Variants in PCDHGA2 observed in about 807,000 individuals in gnomAD.
PCDHGA2 encodes the protein protocadherin gamma subfamily A, 2.
PCDHGA2 carries 40 observed loss-of-function variants against 59.2 expected under a neutral mutation model. The ratio of observed to expected loss-of-function variants is 0.68; its 90% CI spans 0.52 to 0.88. The LOEUF is 0.88. Ranked by LOEUF, PCDHGA2 falls within the 40% of genes least tolerant of loss-of-function variation. The probability of loss-of-function intolerance (pLI) is 0.00; values close to 1 mark genes in which losing one functional copy is unlikely to be tolerated. For synonymous variants in PCDHGA2, 560 were observed against 526.0 expected, an observed-to-expected ratio of 1.06 and a Z score of -0.89; for missense variants, 1,226 against 1,204.0, an observed-to-expected ratio of 1.02 and a Z score of -0.27.
intron 1 of PCDHGA2, among the ~76,000 whole-genome samples, chr5:141,447,143 T>G (rs1484774611): frequency 2.6e-5 from 4 of 152,132 alleles, no homozygotes; most frequent in Admixed American, 6.6e-5. Flanking sequence ...TTGTTTTTTG[T>G]TTTTGTTTTT....
intron 1 of PCDHGA2, chr5:141,414,158 G>C: frequency 6.2e-7 from 1 of 1,602,572 alleles, no homozygotes; most frequent in Non-Finnish European, 8.5e-7. Context: ...GCAGAAGATG[G>C]AGGAGCATAT....
chr5:141,389,766 C>T (rs1217222336), intron 1 of PCDHGA2: 2 of 1,613,060 alleles, frequency 1.2e-6, no homozygotes, highest in East Asian at 4.5e-5. Context: ...GCGCACAGCG[C>T]GTGCCTTAGG....
Position 141,491,078 on chromosome 5 carries a change from C to G in PCDHGA2, c.2425-3729C>G, listed in dbSNP as rs1386717886. The G allele has an allele frequency of 5.6e-6, 9 of 1,614,194 alleles. No homozygotes were observed. Among genetic ancestry groups the G allele is most frequent in the East Asian group, 4.5e-5 (2 of 44,882 alleles). ...CTCTCCTACTCACTGTTGCCACAGTCCACAGCCCCAGGACTGTTCCTCGTG... is the reference window on the plus strand; with the variant it reads ...CTCTCCTACTCACTGTTGCCACAGTGCACAGCCCCAGGACTGTTCCTCGTG... On this transcript the variant is annotated intron_variant, in intron 1 of 3. Transcript: ENST00000394576. This position sits in a 1 kb window ranked among gnomAD's most constrained non-coding sequence, Gnocchi z 6.9.
At chr5:141,373,455 A>T (rs1561559553) in intron 1 of PCDHGA2, among the ~76,000 whole-genome samples, 1 of 152,204 alleles carries the variant, frequency 6.6e-6, no homozygotes, top group Non-Finnish European at 1.5e-5. Flanking sequence ...CCCAGGAGGT[A>T]GCAGCTGCAA....
At chr5:141,369,894 T>C (rs1766545420) in intron 1 of PCDHGA2, among the ~76,000 whole-genome samples, 1 of 152,332 alleles carries the variant, frequency 6.6e-6, no homozygotes, top group African/African-American at 2.4e-5. Flanking sequence ...GATATTATTA[T>C]GACCATTTTA....
chr5:141,410,458 T>C (rs776990737), intron 1 of PCDHGA2: 9 of 1,613,922 alleles, frequency 5.6e-6, no homozygotes, highest in Middle Eastern at 3.3e-4. Context: ...CTTATTCTTA[T>C]AATCTGTGCA....
intron 3 of PCDHGA2, among the ~76,000 whole-genome samples, chr5:141,509,056 G>A (rs1303823294): frequency 1.3e-5 from 2 of 152,178 alleles, no homozygotes; most frequent in Admixed American, 6.5e-5. Context: ...CCCCCAGAAA[G>A]CTCTCAGCTC....
intron 1 of PCDHGA2, chr5:141,366,950 T>C: frequency 2.8e-6 from 2 of 712,110 alleles, no homozygotes; most frequent in Non-Finnish European, 4.3e-6. Context: ...CTGATATCTG[T>C]AGACTTAAGT....
intron 1 of PCDHGA2, chr5:141,394,120 C>T: frequency 5.0e-6 from 8 of 1,613,954 alleles, no homozygotes; most frequent in Non-Finnish European, 5.9e-6. Context: ...TCCACTGAAA[C>T]TCAAATCGCT....
chr5:141,375,335 TACA>T, intron 1 of PCDHGA2: 1 of 1,613,812 alleles, frequency 6.2e-7, no homozygotes, highest in Non-Finnish European at 8.5e-7. Flanking sequence ...GGTATTCTTG[TACA>T]ACATCACTGT....
chr5:141,494,194 G>A (rs1446357035), intron 1 of PCDHGA2, among the ~76,000 whole-genome samples: 2 of 152,182 alleles, frequency 1.3e-5, no homozygotes, highest in Non-Finnish European at 2.9e-5. Flanking sequence ...GGACTTGGAT[G>A]CCCCGCAAAG....
chr5:141,487,392 G>A lies in PCDHGA2; in HGVS notation c.2425-7415G>A, dbSNP rs773126086. 2 of 1,614,176 alleles carry A rather than the reference G, an allele frequency of 1.2e-6. No individual in the cohort carries two copies. Among genetic ancestry groups the A allele is most frequent in the Non-Finnish European group, 1.7e-6 (2 of 1,180,024 alleles). On this transcript the variant is annotated intron_variant, in intron 1 of 3. Transcript: ENST00000394576. This position sits in a 1 kb window ranked among gnomAD's most constrained non-coding sequence, Gnocchi z 5.0. ...GCCTGTCTCACCAGATCTCGAAGGA[G>A]GGAGGGGCTTCCCCCTTCCAATGGG...
chr5:141,394,136 C>A, intron 1 of PCDHGA2: 3 of 1,613,956 alleles, frequency 1.9e-6, no homozygotes, highest in Non-Finnish European at 2.5e-6. Flanking sequence ...TCGCTCTGCA[C>A]GTGGCAGACA....
At chr5:141,384,149 T>A in intron 1 of PCDHGA2, 1 of 1,613,370 alleles carries the variant, frequency 6.2e-7, no homozygotes, top group Non-Finnish European at 8.5e-7. Flanking sequence ...ACACTCTCTT[T>A]GTATAACATC....
rs553462245 is a variant in PCDHGA2 at position 141,511,198 on chromosome 5, A to T, written c.*25A>T. Reference sequence around the variant, plus strand: ...ACATGGAGGCCAGGCCAAGAGCCACAGGGCGGCCTCTCCCCAACCAGCCCA... The same window carrying T: ...ACATGGAGGCCAGGCCAAGAGCCACTGGGCGGCCTCTCCCCAACCAGCCCA... On this transcript the variant is annotated 3_prime_UTR_variant, in exon 4 of 4. Transcript: ENST00000394576. The T allele has an allele frequency of 2.7e-5, 43 of 1,612,954 alleles. 1 individual carries two copies. The South Asian group carries it at 4.5e-4, about 17-fold the overall frequency.
chr5:141,374,581 C>G, intron 1 of PCDHGA2: 14 of 1,613,660 alleles, frequency 8.7e-6, no homozygotes, highest in Non-Finnish European at 1.0e-5. Flanking sequence ...GAATGAACTC[C>G]CTTCAGGGAT....
chr5:141,478,901 A>T (rs2099483520), intron 1 of PCDHGA2: 2 of 1,002,034 alleles, frequency 2.0e-6, no homozygotes, highest in African/African-American at 3.3e-5. Flanking sequence ...ATTAGGAATA[A>T]GCTGCTGGAT....
In PCDHGA2 at chr5:141,432,571, G is replaced by A. The variant is rs776214748; in HGVS notation, c.2425-62236G>A. On this transcript the variant is annotated intron_variant, in intron 1 of 3. Coordinates refer to ENST00000394576, the MANE Select transcript of PCDHGA2 (RefSeq NM_018915.4). The surrounding 1 kb of genome is among the most constrained non-coding windows in gnomAD (Gnocchi z 6.0). ...GAGACTCCGGCCAGAACGCCTGGCT[G>A]TCCTACCGTCTGCTCAAGGCCAGCG... is the stretch of plus-strand genomic sequence containing the variant. 1.2e-6 allele frequency: 2 copies of A among 1,613,954 alleles called. No homozygotes were observed. Among genetic ancestry groups the A allele is most frequent in the South Asian group, 1.1e-5 (1 of 91,068 alleles).
At chr5:141,423,375 G>C in intron 1 of PCDHGA2, 1 of 1,614,192 alleles carries the variant, frequency 6.2e-7, no homozygotes, top group Non-Finnish European at 8.5e-7. Context: ...TGGCACTCAG[G>C]CTGTGGCGCT....
Sources: allele counts gnomAD v4.1 joint callset (sites outside exome capture counted in the v4.1 genomes callset), GRCh38; gene constraint gnomAD v4.1.1; non-coding constraint Gnocchi (gnomAD v3.1); transcripts MANE v1.5; gene names NCBI Gene and HGNC (gene_info 2026-07-23, HGNC 2026-07-21).